TEX9: variants seen among roughly 807,000 people sequenced by gnomAD.
TEX9 encodes testis expressed 9.
In TEX9, 74 loss-of-function variants were observed where a neutral mutation model predicts 59.6. The ratio of observed to expected loss-of-function variants is 1.24; its 90% CI spans 1.03 to 1.51. TEX9 has a LOEUF of 1.51. TEX9 is among the 40% of genes most tolerant of loss of function. TEX9 has a pLI of 0.00. For synonymous variants in TEX9, 186 were observed against 152.2 expected (o/e 1.22, Z -1.64); for missense variants, 522 against 447.8 (o/e 1.17, Z -1.49).
At chr15:56,347,188 G>C (rs558590555) in intron 1 of TEX9, among the ~76,000 whole-genome samples, 1 of 152,254 alleles carries the variant, frequency 6.6e-6, no homozygotes, top group East Asian at 1.9e-4. Flanking sequence ...TACAATTCCT[G>C]TCACAATCCC....
At chr15:56,448,531 C>T (rs1477251438), downstream of TEX9, among the ~76,000 whole-genome samples, 1 of 152,150 alleles carries the variant, frequency 6.6e-6, no homozygotes, top group African/African-American at 2.4e-5. Context: ...ATAACGGCCT[C>T]CAGCTCCATC....
At chr15:56,421,178 C>A (rs1367560123) in intron 10 of TEX9, among the ~76,000 whole-genome samples, 2 of 151,700 alleles carry the variant, frequency 1.3e-5, no homozygotes, top group Non-Finnish European at 2.9e-5. Flanking sequence ...GTCTATTTTC[C>A]CTTTCAGTCT....
intron 4 of TEX9, among the ~76,000 whole-genome samples, chr15:56,388,034 G>A (rs779186795): frequency 6.6e-6 from 1 of 151,952 alleles, no homozygotes; most frequent in African/African-American, 2.4e-5. Flanking sequence ...CAAGGCAGAC[G>A]TGATTTCTAC....
chr15:56,378,801 G>A (rs1350650273), intron 3 of TEX9, among the ~76,000 whole-genome samples: 10 of 152,004 alleles, frequency 6.6e-5, no homozygotes, highest in African/African-American at 2.4e-4. Flanking sequence ...TGTGGTGGCT[G>A]ATAGCTGTAA....
chr15:56,340,773 T>C (rs1217896234), intron 1 of TEX9, among the ~76,000 whole-genome samples: 1 of 152,206 alleles, frequency 6.6e-6, no homozygotes, highest in African/African-American at 2.4e-5. Flanking sequence ...TGCTGTGATT[T>C]GACCCTAGTC....
intron 1 of TEX9, among the ~76,000 whole-genome samples, chr15:56,279,127 A>C (rs1458427981): frequency 6.6e-6 from 1 of 152,208 alleles, no homozygotes; most frequent in Admixed American, 6.5e-5. Flanking sequence ...AAAAGCATGC[A>C]TGTACTTGCC....
At chr15:56,285,303 C>G (rs2044927147) in intron 1 of TEX9, among the ~76,000 whole-genome samples, 1 of 152,128 alleles carries the variant, frequency 6.6e-6, no homozygotes, top group Non-Finnish European at 1.5e-5. Flanking sequence ...TAGGAACAGT[C>G]AAAGATGTCT....
intron 1 of TEX9, among the ~76,000 whole-genome samples, chr15:56,339,659 A>G (rs2141824319): frequency 6.6e-6 from 1 of 152,242 alleles, no homozygotes; most frequent in African/African-American, 2.4e-5. Context: ...GCACAGATAT[A>G]GACTGAATGC....
At chr15:56,333,051 C>A (rs1183641212) in intron 1 of TEX9, among the ~76,000 whole-genome samples, 5 of 152,046 alleles carry the variant, frequency 3.3e-5, no homozygotes, top group Non-Finnish European at 7.4e-5. Context: ...AAAGCAAAGC[C>A]CAGGACTTGA....
chr15:56,367,837 G>A (rs1433879197), intron 2 of TEX9, among the ~76,000 whole-genome samples: 1 of 152,114 alleles, frequency 6.6e-6, no homozygotes, highest in Non-Finnish European at 1.5e-5. Context: ...GGTTATAAAT[G>A]TAGAATTTTT....
At chr15:56,376,705 T>A (rs1158646792) in intron 3 of TEX9, among the ~76,000 whole-genome samples, 1 of 152,164 alleles carries the variant, frequency 6.6e-6, no homozygotes, top group Non-Finnish European at 1.5e-5. Context: ...TTCTGTGGGT[T>A]GTCTCTTTAC....
At chr15:56,337,293 A>G (rs776852377) in intron 1 of TEX9, among the ~76,000 whole-genome samples, 11 of 152,090 alleles carry the variant, frequency 7.2e-5, no homozygotes, top group Middle Eastern at 3.2e-3. Context: ...TCAGATCCTT[A>G]TCCTTGAGGG....
chr15:56,321,885 G>A (rs1352386824), intron 1 of TEX9, among the ~76,000 whole-genome samples: 4 of 151,946 alleles, frequency 2.6e-5, no homozygotes, highest in Non-Finnish European at 5.9e-5. Context: ...AATAGAGATG[G>A]AGAAAACATA....
intron 1 of TEX9, among the ~76,000 whole-genome samples, chr15:56,250,741 G>A (rs1472738223): frequency 1.3e-5 from 2 of 151,902 alleles, no homozygotes; most frequent in African/African-American, 4.8e-5. Context: ...ACCCACAGGT[G>A]AAATTTCTTC....
chr15:56,308,894 T>C (rs1160512735), intron 1 of TEX9, among the ~76,000 whole-genome samples: 3 of 152,188 alleles, frequency 2.0e-5, no homozygotes, highest in Admixed American at 2.0e-4. Context: ...TCCCAGTTCT[T>C]TACCATTGAT....
At chr15:56,451,101 T>C in the TEX9 span, among the ~76,000 whole-genome samples, 5 of 152,244 alleles carry the variant, frequency 3.3e-5, no homozygotes, top group Admixed American at 2.0e-4. Flanking sequence ...TTGTAAGAGT[T>C]CTTTATATAT....
chr15:56,343,507 A>G (rs2046410575), intron 1 of TEX9, among the ~76,000 whole-genome samples: 1 of 152,142 alleles, frequency 6.6e-6, no homozygotes, highest in Admixed American at 6.5e-5. Context: ...GGACTAATCA[A>G]GTGAAAAAGG....
At chr15:56,306,847 A>C (rs1360905586) in intron 1 of TEX9, among the ~76,000 whole-genome samples, 2 of 152,210 alleles carry the variant, frequency 1.3e-5, no homozygotes, top group African/African-American at 4.8e-5. Flanking sequence ...TTGTATCAAA[A>C]TATCTCATGT....
chr15:56,407,126 C>G lies in TEX9; in HGVS notation c.829-5176C>G, dbSNP rs747795141. 7.3e-5 allele frequency among the ~76,000 whole-genome samples: 11 copies of G among 151,660 alleles called. 1 individual carries two copies. Among genetic ancestry groups the G allele is most frequent in the Non-Finnish European group, 1.6e-4 (11 of 67,870 alleles). ...ATCTCAAAATCATATATAAATTGAC[C>G]TGTAATCTATTTCAAGTTCATTTTG... On this transcript the variant is annotated intron_variant, in intron 9 of 12. Coordinates refer to ENST00000352903, the Ensembl canonical transcript of TEX9.
Sources: gnomAD v4.1 joint callset for allele counts (sites outside exome capture counted in the v4.1 genomes callset) on GRCh38, gnomAD v4.1.1 for gene constraint, MANE v1.5 for transcripts, NCBI Gene and HGNC (gene_info 2026-07-23, HGNC 2026-07-21) for gene names.